Variants in DAB1 observed in about 807,000 individuals in gnomAD.
DAB1 encodes disabled homolog 1.
In DAB1, 15 loss-of-function variants were observed where a neutral mutation model predicts 64.6. The observed-to-expected ratio is 0.23, with a 90% CI of 0.16 to 0.36. The LOEUF (loss-of-function observed/expected upper bound fraction) is 0.36. Among genes scored for constraint, DAB1 ranks in the 10% least tolerant of loss-of-function variants. The pLI, the probability that DAB1 is intolerant of heterozygous loss-of-function variation, is 1.00. For synonymous variants in DAB1, 235 were observed against 251.9 expected (o/e 0.93, Z 0.64); for missense variants, 596 against 706.7 (o/e 0.84, Z 1.78).
chr1:57,911,761 C>A (rs569824051), intron 5 of DAB1, among the ~76,000 whole-genome samples: 1 of 152,326 alleles, frequency 6.6e-6, no homozygotes, highest in South Asian at 2.1e-4. Context: ...CCAGCATGGG[C>A]TGGTAAGCAT....
At chr1:57,670,912 T>C (rs1490438683) in intron 6 of DAB1, among the ~76,000 whole-genome samples, 1 of 152,114 alleles carries the variant, frequency 6.6e-6, no homozygotes, top group African/African-American at 2.4e-5. Context: ...TCATGTCCCT[T>C]ACATAAAATG....
chr1:58,060,796 G>A (rs1487874007), intron 5 of DAB1, among the ~76,000 whole-genome samples: 4 of 152,244 alleles, frequency 2.6e-5, no homozygotes, highest in Admixed American at 6.5e-5. Flanking sequence ...ACATTAGCCC[G>A]AGCAGTGTCT....
intron 2 of DAB1, among the ~76,000 whole-genome samples, chr1:58,520,139 T>C (rs1348843922): frequency 6.6e-6 from 1 of 152,096 alleles, no homozygotes; most frequent in Non-Finnish European, 1.5e-5. Context: ...AAACCACCTT[T>C]TGGGTACCAT....
At chr1:57,732,422 G>A (rs559497946) in intron 6 of DAB1, among the ~76,000 whole-genome samples, 31 of 152,296 alleles carry the variant, frequency 2.0e-4, no homozygotes, top group South Asian at 1.7e-3. Flanking sequence ...CTGAGCAGGC[G>A]GAGAGAGGCT....
intron 7 of DAB1, among the ~76,000 whole-genome samples, chr1:57,488,528 T>C (rs1644122388): frequency 6.6e-6 from 1 of 151,822 alleles, no homozygotes; most frequent in African/African-American, 2.4e-5. Context: ...AATACAAAAT[T>C]AGCCGGGTGT....
chr1:57,939,503 A>G (rs1279194788), intron 5 of DAB1, among the ~76,000 whole-genome samples: 1 of 152,214 alleles, frequency 6.6e-6, no homozygotes, highest in African/African-American at 2.4e-5. Flanking sequence ...TCTTTCAGAA[A>G]CAAATTTCCG....
chr1:58,524,805 G>A (rs1156360633), intron 2 of DAB1, among the ~76,000 whole-genome samples: 2 of 152,114 alleles, frequency 1.3e-5, no homozygotes, highest in African/African-American at 4.8e-5. Flanking sequence ...TACTCAAGGT[G>A]TTTACAGTAT....
At position 58,370,374 on chromosome 1, in the gene DAB1, CGTGTGTGTGTGTGT is replaced by C. The variant is rs67230027; in HGVS notation, n.258-26985_258-26972del. Among the ~76,000 whole-genome samples, 190 of 144,540 alleles carry C rather than the reference CGTGTGTGTGTGTGT, an allele frequency of 1.3e-3. 1 individual carries two copies. The highest frequency in any genetic ancestry group is 7.0e-3 in the Middle Eastern group (2 of 284). The allele number at this position is 144,540 out of a possible 152,430, so 94.8% of individuals were successfully genotyped here. ...ACTGTATGTTACTTATGAGTGTGTG[CGTGTGTGTGTGTGT>C]GTGTGTGTGTGTGTGTGTGTGTGTG... On this transcript the variant is annotated intron_variant and non_coding_transcript_variant, in intron 3 of 20. Coordinates refer to the DAB1 transcript ENST00000485760.
intron 7 of DAB1, among the ~76,000 whole-genome samples, chr1:57,456,793 T>C (rs993995576): frequency 6.6e-6 from 1 of 152,164 alleles, no homozygotes; most frequent in Non-Finnish European, 1.5e-5. Flanking sequence ...TCTGGCCTTC[T>C]TAGCTATCTC....
intron 7 of DAB1, among the ~76,000 whole-genome samples, chr1:57,575,519 A>G (rs1391553486): frequency 2.0e-5 from 3 of 152,224 alleles, no homozygotes; most frequent in Non-Finnish European, 4.4e-5. Context: ...TTGGAGTCAC[A>G]TGATGTAGAA....
At chr1:57,703,076 T>C (rs1382470265) in intron 6 of DAB1, among the ~76,000 whole-genome samples, 1 of 152,026 alleles carries the variant, frequency 6.6e-6, no homozygotes. Flanking sequence ...AACCCCAAAG[T>C]ATAAAAACTC....
chr1:58,350,447 A>T (rs987327358), intron 3 of DAB1, among the ~76,000 whole-genome samples: 2 of 152,146 alleles, frequency 1.3e-5, no homozygotes, highest in African/African-American at 4.8e-5. Flanking sequence ...TGCTGTTCAG[A>T]AGCTCTTTAG....
chr1:58,503,925 C>A (rs1645947403), intron 3 of DAB1, among the ~76,000 whole-genome samples: 1 of 152,222 alleles, frequency 6.6e-6, no homozygotes, highest in Non-Finnish European at 1.5e-5. Context: ...AAATTACCAA[C>A]AAATCCTGTC....
intron 3 of DAB1, among the ~76,000 whole-genome samples, chr1:58,485,718 G>A (rs1645566043): frequency 6.6e-6 from 1 of 151,734 alleles, no homozygotes; most frequent in Non-Finnish European, 1.5e-5. Flanking sequence ...TCAAAAGTGA[G>A]CAAAATTTTC....
chr1:58,326,583 G>A (rs945788927), intron 4 of DAB1, among the ~76,000 whole-genome samples: 1 of 152,200 alleles, frequency 6.6e-6, no homozygotes, highest in Non-Finnish European at 1.5e-5. Flanking sequence ...CTTTCTGAGA[G>A]CCAGGCTCTT....
chr1:58,364,006 C>G (rs1167365113), intron 3 of DAB1, among the ~76,000 whole-genome samples: 1 of 152,198 alleles, frequency 6.6e-6, no homozygotes, highest in African/African-American at 2.4e-5. Flanking sequence ...GAAATATGCC[C>G]TCTTTCTGGA....
chr1:58,282,894 C>G (rs1345675756), intron 4 of DAB1, among the ~76,000 whole-genome samples: 1 of 152,178 alleles, frequency 6.6e-6, no homozygotes, highest in Non-Finnish European at 1.5e-5. Context: ...TAAAAGCGAT[C>G]CTTCCATATT....
intron 5 of DAB1, among the ~76,000 whole-genome samples, chr1:58,140,530 C>CT (rs1219399479): frequency 6.6e-6 from 1 of 152,066 alleles, no homozygotes; most frequent in Non-Finnish European, 1.5e-5. Context: ...CCAGATGCTA[C>CT]TTCTCCAGAT....
chr1:57,515,028 G>A (rs12065019), intron 7 of DAB1, among the ~76,000 whole-genome samples: 10,685 of 151,832 alleles, frequency 0.07, 1,172 homozygotes, highest in African/African-American at 0.24. Flanking sequence ...AAATTTTCCC[G>A]TGGAAGAACG....
Sources: allele counts gnomAD v4.1 joint callset (sites outside exome capture counted in the v4.1 genomes callset), GRCh38; gene constraint gnomAD v4.1.1; transcripts MANE v1.5; gene names NCBI Gene and HGNC (gene_info 2026-07-23, HGNC 2026-07-21).